Variants in ARHGEF3 observed in about 807,000 individuals in gnomAD.
The protein encoded by ARHGEF3 is 59.8 kDA protein.
ARHGEF3 carries 28 observed loss-of-function variants against 63.2 expected under a neutral mutation model. That is an observed-to-expected ratio of 0.44 (90% CI 0.33 to 0.61). The LOEUF (loss-of-function observed/expected upper bound fraction) is 0.61, where lower values mean the gene tolerates loss of function less well. Among genes scored for constraint, ARHGEF3 ranks in the 20% least tolerant of loss-of-function variants. The pLI is 0.03. For synonymous variants in ARHGEF3, 266 were observed against 254.2 expected (o/e 1.05, Z -0.44); for missense variants, 533 against 659.3 (o/e 0.81, Z 2.10).
At chr3:56,962,811 T>A (rs1180119501) in intron 2 of ARHGEF3, among the ~76,000 whole-genome samples, 1 of 152,144 alleles carries the variant, frequency 6.6e-6, no homozygotes, top group Non-Finnish European at 1.5e-5. Context: ...TGATCTCAAA[T>A]TCAAGTGTAT....
chr3:56,846,187 C>T (rs1275021881), intron 4 of ARHGEF3, among the ~76,000 whole-genome samples: 2 of 152,202 alleles, frequency 1.3e-5, no homozygotes, highest in Admixed American at 6.5e-5. Context: ...ACAATTCCTT[C>T]TTCACTCCAA....
chr3:56,763,795 G>T (rs2035554921), intron 2 of ARHGEF3, among the ~76,000 whole-genome samples: 1 of 150,732 alleles, frequency 6.6e-6, no homozygotes, highest in South Asian at 2.1e-4. Flanking sequence ...GGCTAGTCTT[G>T]AACTCCTGGC....
At chr3:56,880,945 G>A (rs1366165489) in intron 4 of ARHGEF3, among the ~76,000 whole-genome samples, 1 of 152,152 alleles carries the variant, frequency 6.6e-6, no homozygotes, top group African/African-American at 2.4e-5. Flanking sequence ...TGGTAAAACA[G>A]ACGCTCAAGT....
intron 1 of ARHGEF3, among the ~76,000 whole-genome samples, chr3:57,038,887 T>C (rs1281071939): frequency 2.0e-5 from 3 of 152,200 alleles, no homozygotes; most frequent in African/African-American, 7.2e-5. Flanking sequence ...ATTTTGCAGA[T>C]GGCAAAACCA....
At chr3:56,893,068 T>C (rs1276942839) in intron 3 of ARHGEF3, among the ~76,000 whole-genome samples, 1 of 152,262 alleles carries the variant, frequency 6.6e-6, no homozygotes, top group Non-Finnish European at 1.5e-5. Flanking sequence ...TACAACCATT[T>C]GGTGTTGTCT....
chr3:56,775,510 T>C, intron 1 of ARHGEF3: 2 of 994,978 alleles, frequency 2.0e-6, no homozygotes, highest in Non-Finnish European at 2.4e-6. Flanking sequence ...TCCAGCTTCT[T>C]AGCGTGCTAA....
chr3:56,887,203 G>A (rs2040952409), intron 3 of ARHGEF3, among the ~76,000 whole-genome samples: 1 of 152,172 alleles, frequency 6.6e-6, no homozygotes, highest in Admixed American at 6.5e-5. Context: ...TTTGTTTGGA[G>A]CACTGTATTG....
intron 2 of ARHGEF3, chr3:56,975,802 T>C (rs1270744101): frequency 4.6e-6 from 2 of 431,670 alleles, no homozygotes; most frequent in Non-Finnish European, 4.5e-6. Flanking sequence ...TGGTTCTCTT[T>C]ACATGAAGTA....
intron 1 of ARHGEF3, among the ~76,000 whole-genome samples, chr3:57,046,097 C>A (rs781304687): frequency 7.9e-5 from 12 of 152,144 alleles, no homozygotes; most frequent in Admixed American, 1.3e-4. Flanking sequence ...ACCTAGCTAG[C>A]CACTTAGAGA....
intron 1 of ARHGEF3, among the ~76,000 whole-genome samples, chr3:56,785,209 GC>G (rs1578505640): frequency 6.6e-6 from 1 of 152,138 alleles, no homozygotes; most frequent in East Asian, 1.9e-4. Flanking sequence ...CCATATTCCT[GC>G]CTTCCTTTTC....
intron 1 of ARHGEF3, among the ~76,000 whole-genome samples, chr3:56,796,519 G>A (rs947516510): frequency 3.9e-5 from 6 of 152,338 alleles, no homozygotes; most frequent in African/African-American, 1.2e-4. Context: ...CCAAATGGGG[G>A]CTTGCAAATC....
intron 4 of ARHGEF3, among the ~76,000 whole-genome samples, chr3:56,847,626 A>G (rs771186776): frequency 4.6e-5 from 7 of 152,166 alleles, no homozygotes; most frequent in Non-Finnish European, 8.8e-5. Context: ...AGCCCAGGCT[A>G]GAGTGCAGTG....
intron 1 of ARHGEF3, among the ~76,000 whole-genome samples, chr3:57,049,438 G>A (rs1398169022): frequency 1.3e-5 from 2 of 152,260 alleles, no homozygotes; most frequent in East Asian, 3.9e-4. Flanking sequence ...GGCTGCTCTC[G>A]AAACTGGAGC....
chr3:56,754,717 C>T (rs191008084), intron 3 of ARHGEF3, among the ~76,000 whole-genome samples: 1 of 152,310 alleles, frequency 6.6e-6, no homozygotes, highest in African/African-American at 2.4e-5. Context: ...TTTTTGTGAA[C>T]TTCAGAATCC....
At chr3:56,969,575 A>T (rs1428917064) in intron 2 of ARHGEF3, among the ~76,000 whole-genome samples, 2 of 152,076 alleles carry the variant, frequency 1.3e-5, no homozygotes, top group South Asian at 4.1e-4. Context: ...GATCAAGACC[A>T]TCCTGGCCAA....
chr3:56,888,603 C>T (rs2041002893), intron 3 of ARHGEF3, among the ~76,000 whole-genome samples: 1 of 152,114 alleles, frequency 6.6e-6, no homozygotes, highest in South Asian at 2.1e-4. Context: ...ACCACTGCTT[C>T]TTAAAAAAGC....
At chr3:57,072,121 A>G (rs1344422099) in intron 1 of ARHGEF3, among the ~76,000 whole-genome samples, 2 of 125,036 alleles carry the variant, frequency 1.6e-5, no homozygotes, top group East Asian at 9.1e-4. Flanking sequence ...GGATAATAAC[A>G]AGAGTTGATG....
intron 2 of ARHGEF3, among the ~76,000 whole-genome samples, chr3:57,002,849 C>A (rs1330747048): frequency 6.7e-6 from 1 of 150,008 alleles, no homozygotes; most frequent in Non-Finnish European, 1.5e-5. Context: ...TCTTGGCTCA[C>A]TGCAACCTCC....
chr3:57,021,150 C>T (rs1368564217), intron 2 of ARHGEF3, among the ~76,000 whole-genome samples: 1 of 152,164 alleles, frequency 6.6e-6, no homozygotes, highest in Admixed American at 6.5e-5. Context: ...CAAACATAGA[C>T]ACCTGTGGTT....
Sources: gnomAD v4.1 joint callset for allele counts (sites outside exome capture counted in the v4.1 genomes callset) on GRCh38, gnomAD v4.1.1 for gene constraint, MANE v1.5 for transcripts, NCBI Gene and HGNC (gene_info 2026-07-23, HGNC 2026-07-21) for gene names.